Variants in HIVEP3 observed in about 807,000 individuals in gnomAD.
The protein encoded by HIVEP3 is HIVEP zinc finger 3, also known as transcription factor HIVEP3.
HIVEP3 carries 49 observed loss-of-function variants against 152.8 expected under a neutral mutation model. That is an observed-to-expected ratio of 0.32 (90% CI 0.26 to 0.41). The LOEUF is 0.41. Among genes scored for constraint, HIVEP3 ranks in the 10% least tolerant of loss-of-function variants. The pLI is 1.00. For missense variants in HIVEP3, 2,790 were observed against 3,103.3 expected (o/e 0.90, Z 2.40); for synonymous variants, 1,269 against 1,289.0 (o/e 0.98, Z 0.33).
intron 1 of HIVEP3, among the ~76,000 whole-genome samples, chr1:41,757,339 G>A (rs1647372137): frequency 6.6e-6 from 1 of 151,814 alleles, no homozygotes. Context: ...GGATGGTCTC[G>A]ATCTCCTGAC....
At chr1:41,967,894 C>T (rs1645208276) in intron 1 of HIVEP3, among the ~76,000 whole-genome samples, 1 of 152,144 alleles carries the variant, frequency 6.6e-6, no homozygotes, top group African/African-American at 2.4e-5. Context: ...AAACAACTAT[C>T]AGAGAACATT....
intron 1 of HIVEP3, among the ~76,000 whole-genome samples, chr1:41,840,580 A>C (rs1382213705): frequency 1.3e-5 from 2 of 152,210 alleles, no homozygotes; most frequent in African/African-American, 2.4e-5. Context: ...AGTTTGTGCT[A>C]ATTTATTATG....
chr1:41,518,264 T>C, intron 7 of HIVEP3, 138 bp downstream of exon 7: 1 of 756,844 alleles, frequency 1.3e-6, no homozygotes, highest in Non-Finnish European at 2.4e-6. Flanking sequence ...AAGGTGAAGC[T>C]ATTGGAGGGA....
At chr1:41,765,449 G>C (rs1230982618) in intron 1 of HIVEP3, among the ~76,000 whole-genome samples, 1 of 152,192 alleles carries the variant, frequency 6.6e-6, no homozygotes, top group Non-Finnish European at 1.5e-5. Context: ...AAGTCAGCCA[G>C]ATGTCAACAT....
At chr1:41,655,097 A>G (rs969513231) in intron 2 of HIVEP3, among the ~76,000 whole-genome samples, 1 of 152,164 alleles carries the variant, frequency 6.6e-6, no homozygotes, top group Non-Finnish European at 1.5e-5. Context: ...CTGTTTCCAA[A>G]GCAGGACAGC....
intron 1 of HIVEP3, among the ~76,000 whole-genome samples, chr1:41,727,033 G>A (rs1646762460): frequency 6.6e-6 from 1 of 152,178 alleles, no homozygotes; most frequent in Non-Finnish European, 1.5e-5. Flanking sequence ...GGCACAGATG[G>A]CGAGGTCTGC....
rs182288811 is a variant in HIVEP3, at chr1:41,641,337, T to C, written c.-720-12390A>G. ...AATTGCTTTCTGCCCACACGACAGC[T>C]GCCCCCTTAGCTAAGAGGGGAAGCC... On this transcript the variant is annotated intron_variant, in intron 2 of 8. Coordinates refer to ENST00000372583, the MANE Select transcript of HIVEP3 (RefSeq NM_024503.5). Among the ~76,000 whole-genome samples, 26 of 152,316 alleles carry C rather than the reference T, an allele frequency of 1.7e-4. No homozygotes were observed. The East Asian group carries it at 5.0e-3, about 29-fold the overall frequency.
At chr1:41,768,873 A>C (rs1288783957) in intron 1 of HIVEP3, among the ~76,000 whole-genome samples, 1 of 152,240 alleles carries the variant, frequency 6.6e-6, no homozygotes, top group Non-Finnish European at 1.5e-5. Context: ...TTTCAGTGCA[A>C]TCTGATCTCT....
intron 1 of HIVEP3, among the ~76,000 whole-genome samples, chr1:41,781,002 G>A (rs1025633108): frequency 5.3e-5 from 8 of 152,194 alleles, no homozygotes; most frequent in African/African-American, 1.9e-4. Context: ...CCCATTGTTC[G>A]TGATTTTGTT....
chr1:41,920,587 T>TTTG (rs1553134910), upstream of HIVEP3, among the ~76,000 whole-genome samples: 75 of 72,620 alleles, frequency 1.0e-3, no homozygotes, highest in African/African-American at 1.5e-3. Flanking sequence ...GTTTTTTTTT[T>TTTG]TTTGTTTTGT....
At chr1:41,829,137 T>A (rs1377392867) in intron 1 of HIVEP3, among the ~76,000 whole-genome samples, 2 of 151,188 alleles carry the variant, frequency 1.3e-5, no homozygotes, top group East Asian at 4.0e-4. Flanking sequence ...CGGCACTATA[T>A]CATGAATGGA....
chr1:41,871,421 C>A (rs552593306), intron 1 of HIVEP3, among the ~76,000 whole-genome samples: 39 of 150,670 alleles, frequency 2.6e-4, no homozygotes, highest in Middle Eastern at 3.4e-3. Flanking sequence ...AAAAAAAAAA[C>A]CCCTGCATAT....
intron 5 of HIVEP3, among the ~76,000 whole-genome samples, chr1:41,531,267 G>A (rs576091031): frequency 1.2e-3 from 185 of 148,814 alleles, no homozygotes; most frequent in African/African-American, 2.0e-3. Context: ...TGGAGGACAG[G>A]AGAGATGGAG....
intron 3 of HIVEP3, among the ~76,000 whole-genome samples, chr1:41,615,968 T>A (rs1644962976): frequency 6.6e-6 from 1 of 151,932 alleles, no homozygotes; most frequent in Admixed American, 6.6e-5. Context: ...CTTTAACAAG[T>A]GTGTTTTCTC....
chr1:41,746,411 A>G (rs966093083), intron 1 of HIVEP3, among the ~76,000 whole-genome samples: 4 of 152,228 alleles, frequency 2.6e-5, no homozygotes, highest in Non-Finnish European at 5.9e-5. Flanking sequence ...ACAGGAAGAA[A>G]GAGCATTGGG....
Position 41,788,193 on chromosome 1 carries a change from C to T in HIVEP3, c.-800-87198G>A, listed in dbSNP as rs556350747. Among the ~76,000 whole-genome samples the T allele has an allele frequency of 6.6e-5, 10 of 152,246 alleles. No homozygotes were observed. In the South Asian group the frequency reaches 1.4e-3, roughly 22 times the overall value. On this transcript the variant is annotated intron_variant, in intron 1 of 8. Coordinates refer to ENST00000372583, the MANE Select transcript of HIVEP3 (RefSeq NM_024503.5). ...CACCCCCCGACAGTGAGGACAGGAG[C>T]GCAGCGTCTCCCAGCAGCTTCCAGG...
At chr1:42,005,077 T>C (rs1645450897) in intron 1 of HIVEP3, among the ~76,000 whole-genome samples, 1 of 152,194 alleles carries the variant, frequency 6.6e-6, no homozygotes, top group Admixed American at 6.5e-5. Flanking sequence ...CCATTCCCGC[T>C]GATGGGAGCA....
intron 1 of HIVEP3, among the ~76,000 whole-genome samples, chr1:41,815,880 C>T (rs1651236860): frequency 6.6e-6 from 1 of 151,968 alleles, no homozygotes; most frequent in Non-Finnish European, 1.5e-5. Flanking sequence ...AGCAATCCTC[C>T]TGTCTCAGCC....
intron 2 of HIVEP3, among the ~76,000 whole-genome samples, chr1:41,669,840 C>G (rs888666959): frequency 6.6e-6 from 1 of 152,200 alleles, no homozygotes; most frequent in Non-Finnish European, 1.5e-5. Context: ...TACAATAAGT[C>G]TCTTCCTATG....
Sources: gnomAD v4.1 joint callset for allele counts (sites outside exome capture counted in the v4.1 genomes callset) on GRCh38, gnomAD v4.1.1 for gene constraint, MANE v1.5 for transcripts, NCBI Gene and HGNC (gene_info 2026-07-23, HGNC 2026-07-21) for gene names.